Variants in PCDH17 observed in about 807,000 individuals in gnomAD.
PCDH17 encodes the protein protocadherin 17.
Under a neutral mutation model 67.7 loss-of-function variants are expected in PCDH17, and 21 were observed. The ratio of observed to expected loss-of-function variants is 0.31; its 90% CI spans 0.22 to 0.45. PCDH17 has a LOEUF of 0.45. Among genes scored for constraint, PCDH17 ranks in the 20% least tolerant of loss-of-function variants. The pLI, the probability that PCDH17 is intolerant of heterozygous loss-of-function variation, is 1.00. For missense variants in PCDH17, 1,471 were observed against 1,564.8 expected, an observed-to-expected ratio of 0.94 and a Z score of 1.01; for synonymous variants, 701 against 656.7, an observed-to-expected ratio of 1.07 and a Z score of -1.03.
rs1042775015 is a variant in PCDH17, at chr13:57,679,774, T to C, written c.2797+12941T>C. Among the ~76,000 whole-genome samples, 10 of 151,644 alleles carry C rather than the reference T, an allele frequency of 6.6e-5. No individual in the cohort carries two copies. The East Asian group carries it at 2.0e-3, about 30-fold the overall frequency. On this transcript the variant is annotated intron_variant, in intron 3 of 3. Coordinates refer to ENST00000377918, the MANE Select transcript of PCDH17 (RefSeq NM_001040429.3). ...TACAAGCTAAGAGTATTTGTAGTAT[T>C]TAATGGGAGATGGCAAGAAAACCTG...
At chr13:57,668,519 T>C (rs1955282606) in intron 3 of PCDH17, among the ~76,000 whole-genome samples, 2 of 152,082 alleles carry the variant, frequency 1.3e-5, no homozygotes, top group Admixed American at 1.3e-4. Context: ...CAGAAGTGAA[T>C]TTTATGTATA....
At chr13:57,697,733 G>A (rs1029068862) in intron 3 of PCDH17, among the ~76,000 whole-genome samples, 2 of 150,830 alleles carry the variant, frequency 1.3e-5, no homozygotes, top group Non-Finnish European at 3.0e-5. Context: ...CACAGACTAT[G>A]TATCTTTAAT....
At chr13:57,636,879 A>G (rs923508748) in intron 1 of PCDH17, among the ~76,000 whole-genome samples, 2 of 152,124 alleles carry the variant, frequency 1.3e-5, no homozygotes, top group African/African-American at 4.8e-5. Flanking sequence ...TGTGAGTTGA[A>G]TTTTCATTTA....
chr13:57,695,097 TCTC>T (rs1955593943), intron 3 of PCDH17, among the ~76,000 whole-genome samples: 1 of 150,814 alleles, frequency 6.6e-6, no homozygotes, highest in South Asian at 2.1e-4. Flanking sequence ...TTTAGAAAAG[TCTC>T]CTACTGCCTG....
chr13:57,710,307 C>T (rs531438727), intron 3 of PCDH17, among the ~76,000 whole-genome samples: 7 of 151,892 alleles, frequency 4.6e-5, no homozygotes, highest in East Asian at 3.9e-4. Context: ...TGTGAAAATA[C>T]GTTAAAGGCT....
Position 57,724,904 on chromosome 13 carries a change from A to G in PCDH17, c.3090A>G (p.Gln1030=). 6.2e-7 allele frequency: 1 copy of G among 1,614,166 alleles called. No individual in the cohort carries two copies. The highest frequency in any genetic ancestry group is 8.5e-7 in the Non-Finnish European group (1 of 1,180,010). The change falls in exon 4 of 4, where the codon CAA becomes CAG. Residue 1030 remains glutamine (Q), a synonymous_variant. Transcript: ENST00000377918. ...KAKRALSPLL[Q]EVPSASSSPT... is the part of the protein sequence containing the mutation. The stretch of plus-strand genomic sequence containing the variant: ...AACGTGCCCTGAGCCCTCTCCTCCA[A>G]GAGGTCCCCTCAGCATCAAGCAGCC...
chr13:57,683,593 A>C (rs1216337561), intron 3 of PCDH17, among the ~76,000 whole-genome samples: 3 of 151,884 alleles, frequency 2.0e-5, no homozygotes, highest in Non-Finnish European at 2.9e-5. Flanking sequence ...ATCTTCAGGA[A>C]AATAGTGAAT....
intron 3 of PCDH17, among the ~76,000 whole-genome samples, chr13:57,714,875 C>T (rs1039917129): frequency 6.6e-6 from 1 of 151,744 alleles, no homozygotes; most frequent in Non-Finnish European, 1.5e-5. Flanking sequence ...AAAAGAGAAA[C>T]GTAGCAGAGA....
intron 3 of PCDH17, among the ~76,000 whole-genome samples, chr13:57,711,440 A>G (rs900856907): frequency 6.6e-6 from 1 of 151,932 alleles, no homozygotes; most frequent in African/African-American, 2.4e-5. Flanking sequence ...GGCCCCTTCT[A>G]TTCATTTCCA....
chr13:57,691,052 T>C (rs1236527196), intron 3 of PCDH17, among the ~76,000 whole-genome samples: 1 of 151,472 alleles, frequency 6.6e-6, no homozygotes, highest in African/African-American at 2.4e-5. Flanking sequence ...ATATTTTTTC[T>C]TTTACTCTTG....
chr13:57,721,339 C>A (rs150396644), intron 3 of PCDH17, among the ~76,000 whole-genome samples: 2 of 152,148 alleles, frequency 1.3e-5, no homozygotes, highest in African/African-American at 4.8e-5. Flanking sequence ...TATTTGATTT[C>A]TTCTGTTCAG....
At chr13:57,642,728 TAA>T (rs1954920300) in intron 1 of PCDH17, among the ~76,000 whole-genome samples, 1 of 151,504 alleles carries the variant, frequency 6.6e-6, no homozygotes, top group African/African-American at 2.4e-5. Flanking sequence ...AAACTCAAAT[TAA>T]AATATATAAA....
Position 57,633,665 on chromosome 13 carries a change from G to A in PCDH17, c.1119G>A (p.Leu373=), listed in dbSNP as rs1254375516. Residue 373 remains leucine, a synonymous_variant, in exon 1 of 4, where the codon CTG becomes CTA. Transcript: ENST00000377918. This position sits in a 1 kb window ranked among gnomAD's most constrained non-coding sequence, Gnocchi z 6.2. ...EAAPPGTVIA[L]VRVTDRDSGK... is the part of the protein sequence containing the mutation. ...CCCCTCCCGGCACCGTCATCGCCCT[G>A]GTGCGGGTCACTGACCGGGACTCTG... is the stretch of plus-strand genomic sequence containing the variant. 1 of 1,606,524 alleles carries A rather than the reference G, an allele frequency of 6.2e-7. No individual in the cohort carries two copies. The highest frequency in any genetic ancestry group is 2.2e-5 in the East Asian group (1 of 44,840).
At chr13:57,665,378 G>A (rs1263038002) in intron 1 of PCDH17, among the ~76,000 whole-genome samples, 1 of 151,604 alleles carries the variant, frequency 6.6e-6, no homozygotes, top group Non-Finnish European at 1.5e-5. Flanking sequence ...TATATGGGAA[G>A]AAGAAAAAAA....
At chr13:57,684,056 C>A (rs1955483866) in intron 3 of PCDH17, among the ~76,000 whole-genome samples, 1 of 151,744 alleles carries the variant, frequency 6.6e-6, no homozygotes, top group Admixed American at 6.6e-5. Context: ...TATAGGAGAA[C>A]CCATATTAAA....
chr13:57,661,500 T>C (rs1453566707), intron 1 of PCDH17, among the ~76,000 whole-genome samples: 4 of 152,198 alleles, frequency 2.6e-5, no homozygotes, highest in African/African-American at 9.6e-5. Context: ...CTGTGGATCA[T>C]GCTTTGATAT....
At chr13:57,656,663 A>C (rs1955109398) in intron 1 of PCDH17, among the ~76,000 whole-genome samples, 1 of 152,156 alleles carries the variant, frequency 6.6e-6, no homozygotes, top group Non-Finnish European at 1.5e-5. Context: ...CACGGGAGGA[A>C]GAAAGCAGAG....
rs757647790 is a variant in PCDH17, at chr13:57,633,829, G to T, written c.1283G>T (p.Arg428Leu). Reference protein sequence around the residue: ...YDNFYTVVTDRPLDRETQDEY... With the variant: ...YDNFYTVVTDLPLDRETQDEY... ...AACTTCTACACGGTGGTGACTGACC[G>T]CCCGCTGGACCGCGAGACACAAGAC... Residue 428 changes from arginine to leucine, a missense_variant, in exon 1 of 4, where the codon CGC becomes CTC. Coordinates refer to ENST00000377918, the MANE Select transcript of PCDH17 (RefSeq NM_001040429.3). The surrounding 1 kb of genome is among the most constrained non-coding windows in gnomAD (Gnocchi z 6.2). 1 of 1,612,192 alleles carries T rather than the reference G, an allele frequency of 6.2e-7. No homozygotes were observed. The highest frequency in any genetic ancestry group is 1.1e-5 in the South Asian group (1 of 91,066).
Position 57,724,659 on chromosome 13 carries a change from C to A in PCDH17, c.2845C>A (p.His949Asn). The change falls in exon 4 of 4, where the codon CAT (histidine) becomes AAT (asparagine). Residue 949 changes from histidine to asparagine, a missense_variant. This residue lies in a region of PCDH17 where 297 missense variants were observed against 298.6 expected (regional missense o/e 0.99). Transcript: ENST00000377918. ...NCTDECRVLG[H>N]SDRCWMPQFP... ...CACAGATGAATGCCGAGTGCTTGGT[C>A]ATTCTGACAGGTGCTGGATGCCACA... is the stretch of plus-strand genomic sequence containing the variant. The A allele has an allele frequency of 1.2e-6, 2 of 1,613,984 alleles. No homozygotes were observed. The highest frequency in any genetic ancestry group is 2.2e-5 in the South Asian group (2 of 91,062).
Sources: gnomAD v4.1 joint callset for allele counts (sites outside exome capture counted in the v4.1 genomes callset) on GRCh38, gnomAD v4.1.1 for gene constraint, gnomAD v4.1.1 regional missense constraint, Gnocchi (gnomAD v3.1) non-coding constraint, MANE v1.5 for transcripts, NCBI Gene and HGNC (gene_info 2026-07-23, HGNC 2026-07-21) for gene names.